OR52A1: variants seen among roughly 807,000 people sequenced by gnomAD.
OR52A1 encodes olfactory receptor family 52 subfamily A member 1.
In OR52A1, 14 loss-of-function variants were observed where a neutral mutation model predicts 14.3. The ratio of observed to expected loss-of-function variants is 0.98; its 90% CI spans 0.65 to 1.54. OR52A1 has a LOEUF of 1.54. OR52A1 is among the 40% of genes most tolerant of loss of function. The probability of loss-of-function intolerance (pLI) is 0.00; values close to 1 mark genes in which losing one functional copy is unlikely to be tolerated. For missense variants in OR52A1, 405 were observed against 381.3 expected (o/e 1.06, Z -0.52); for synonymous variants, 151 against 135.3 (o/e 1.12, Z -0.80).
chr11:5,154,376 G>C (rs1564854132), intron 1 of OR52A1, 71 bp downstream of exon 1: 1 of 152,134 alleles, frequency 6.6e-6, no homozygotes, highest in Non-Finnish European at 1.5e-5. Context: ...ATTATTGAGA[G>C]CTGGTTTTGC....
At position 5,150,770 on chromosome 11, in the gene OR52A1, G is replaced by C. The variant is rs1416080283; in HGVS notation, c.*661C>G. ...TTTACTATTATGTCACGATTCTGTA[G>C]TATAGTATTTTTAATATTGCAGGTT... On this transcript the variant is annotated 3_prime_UTR_variant, in exon 2 of 2. Coordinates refer to ENST00000380367, the MANE Select transcript of OR52A1 (RefSeq NM_012375.3). The C allele has an allele frequency of 6.6e-6, 1 of 151,554 alleles. No individual in the cohort carries two copies. The highest frequency in any genetic ancestry group is 2.4e-5 in the African/African-American group (1 of 41,222). 9.4% of individuals were successfully genotyped at this position (151,554 alleles called of 1,614,324 possible). A position where few individuals can be genotyped will look rare whatever the true frequency, so the allele number is the denominator to read the frequency against.
chr11:5,154,004 T>A (rs1250201873), intron 1 of OR52A1, among the ~76,000 whole-genome samples: 1 of 152,134 alleles, frequency 6.6e-6, no homozygotes, highest in Non-Finnish European at 1.5e-5. Flanking sequence ...TCAGCTAACA[T>A]ACATTTACCG....
Position 5,151,391 on chromosome 11 carries a change from G to A in OR52A1, c.*40C>T, listed in dbSNP as rs747089102. 1 of 1,506,272 alleles carries A rather than the reference G, an allele frequency of 6.6e-7. No homozygotes were observed. Among genetic ancestry groups the A allele is most frequent in the East Asian group, 2.3e-5 (1 of 44,260 alleles). The allele number at this position is 1,506,272 out of a possible 1,614,324, so 93.3% of individuals were successfully genotyped here. On this transcript the variant is annotated 3_prime_UTR_variant, in exon 2 of 2. Transcript: ENST00000380367. ...GTTTTGTTTTGATATGGTTACTACTGCAAAAGAAAAAAGCATGTAGGCATT... is the reference window on the plus strand; with the variant it reads ...GTTTTGTTTTGATATGGTTACTACTACAAAAGAAAAAAGCATGTAGGCATT...
chr11:5,154,221 T>A (rs1302899007), intron 1 of OR52A1, among the ~76,000 whole-genome samples: 1 of 152,160 alleles, frequency 6.6e-6, no homozygotes, highest in Non-Finnish European at 1.5e-5. Flanking sequence ...GACATGTGAG[T>A]ACTACCTGAC....
Position 5,151,959 on chromosome 11 carries a change from G to T in OR52A1, c.411C>A (p.Ile137=). 1 of 1,614,076 alleles carries T rather than the reference G, an allele frequency of 6.2e-7. No individual in the cohort carries two copies. The change falls in exon 2 of 2, where the codon ATC becomes ATA. Residue 137 remains isoleucine (I), a synonymous_variant. Transcript: ENST00000380367. Reference sequence around the variant, plus strand: ...TCTGAATGACAAGCTGGTGGGTGAAGATGTTGGCATGTCTTAGTGGATAAC... The same window carrying T: ...TCTGAATGACAAGCTGGTGGGTGAATATGTTGGCATGTCTTAGTGGATAAC... ...AICYPLRHAN[I]FTHQLVIQIG...
rs1406084417 is a variant in OR52A1 at position 5,148,075 on chromosome 11, C to A, written c.*3356G>T. The A allele has an allele frequency of 6.6e-6, 1 of 152,108 alleles. No homozygotes were observed. Among genetic ancestry groups the A allele is most frequent in the Non-Finnish European group, 1.5e-5 (1 of 68,030 alleles). The allele number at this position is 152,108 out of a possible 1,614,324, so 9.4% of individuals were successfully genotyped here. On this transcript the variant is annotated 3_prime_UTR_variant, in exon 2 of 2. Coordinates refer to ENST00000380367, the MANE Select transcript of OR52A1 (RefSeq NM_012375.3). ...ATGTATTCTCACATTGAAATGGAGA[C>A]CGCTTAGGAATATCAGCATAGAAGG...
chr11:5,151,506 T>C lies in OR52A1; in HGVS notation c.864A>G (p.Pro288=), dbSNP rs1188504116. ...CACCATAGACAAGTGGATTGAGAAA[T>C]GGAGGGACCAGCAAGTAAATGCTAG... ...LFSSIYLLVP[P]FLNPLVYGAK... is the part of the protein sequence containing the mutation. Residue 288 remains proline (P), a synonymous_variant, in exon 2 of 2, where the codon CCA becomes CCG. Transcript: ENST00000380367. The C allele has an allele frequency of 1.9e-6, 3 of 1,613,970 alleles. No individual in the cohort carries two copies. The highest frequency in any genetic ancestry group is 2.2e-5 in the East Asian group (1 of 44,874).
Position 5,151,949 on chromosome 11 carries a change from G to C in OR52A1, c.421C>G (p.Gln141Glu). 6.2e-7 allele frequency: 1 copy of C among 1,614,006 alleles called. No individual in the cohort carries two copies. Among genetic ancestry groups the C allele is most frequent in the Non-Finnish European group, 8.5e-7 (1 of 1,179,984 alleles). Reference protein sequence around the residue: ...PLRHANIFTHQLVIQIGTMVV... With the variant: ...PLRHANIFTHELVIQIGTMVV... The stretch of plus-strand genomic sequence containing the variant: ...ATAGTTCCTATCTGAATGACAAGCT[G>C]GTGGGTGAAGATGTTGGCATGTCTT... The change falls in exon 2 of 2, where the codon CAG becomes GAG. Residue 141 changes from glutamine to glutamate, a missense_variant. Gln to Glu is a conservative substitution (Grantham distance 29). Transcript: ENST00000380367.
rs772041071 is a variant in OR52A1 at position 5,151,383 on chromosome 11, T to C, written c.*48A>G. 15 of 1,442,274 alleles carry C rather than the reference T, an allele frequency of 1.0e-5. No homozygotes were observed. The highest frequency in any genetic ancestry group is 1.8e-4 in the Middle Eastern group (1 of 5,440). The allele number at this position is 1,442,274 out of a possible 1,614,324, so 89.3% of individuals were successfully genotyped here. A position where few individuals can be genotyped will look rare whatever the true frequency, so the allele number is the denominator to read the frequency against. ...TGTTTTTTGTTTTGTTTTGATATGG[T>C]TACTACTGCAAAAGAAAAAAGCATG... On this transcript the variant is annotated 3_prime_UTR_variant, in exon 2 of 2. Coordinates refer to ENST00000380367, the MANE Select transcript of OR52A1 (RefSeq NM_012375.3).
intron 1 of OR52A1, among the ~76,000 whole-genome samples, chr11:5,154,036 T>C (rs1020207233): frequency 2.0e-5 from 3 of 152,184 alleles, no homozygotes; most frequent in African/African-American, 7.2e-5. Context: ...GTCAATTAAA[T>C]ACTTTGATTT....
Position 5,151,469 on chromosome 11 carries a change from G to T in OR52A1, c.901C>A (p.Gln301Lys). The part of the protein sequence containing the change: ...NPLVYGAKTT[Q>K]IRIHVVKMFC... ...ATTTTTACCACATGAATGCGAATCT[G>T]TGTGGTCTTTGCACCATAGACAAGT... Residue 301 changes from glutamine (Q) to lysine (K), a missense_variant, in exon 2 of 2, where the codon CAG becomes AAG. Gln to Lys is a moderately conservative substitution (Grantham distance 53). Transcript: ENST00000380367. 6.2e-7 allele frequency: 1 copy of T among 1,613,402 alleles called. No homozygotes were observed. Among genetic ancestry groups the T allele is most frequent in the East Asian group, 2.2e-5 (1 of 44,890 alleles).
chr11:5,151,500 G>A lies in OR52A1; in HGVS notation c.870C>T (p.Leu290=). Residue 290 remains leucine (L), a synonymous_variant, in exon 2 of 2, where the codon CTC becomes CTT. Coordinates refer to ENST00000380367, the MANE Select transcript of OR52A1 (RefSeq NM_012375.3). ...SSIYLLVPPF[L]NPLVYGAKTT... ...TCTTTGCACCATAGACAAGTGGATT[G>A]AGAAATGGAGGGACCAGCAAGTAAA... 1 of 1,614,068 alleles carries A rather than the reference G, an allele frequency of 6.2e-7. No individual in the cohort carries two copies. The highest frequency in any genetic ancestry group is 8.5e-7 in the Non-Finnish European group (1 of 1,179,970).
At position 5,149,648 on chromosome 11, in the gene OR52A1, A is replaced by G. The variant is rs761022203; in HGVS notation, c.*1783T>C. On this transcript the variant is annotated 3_prime_UTR_variant, in exon 2 of 2. Coordinates refer to ENST00000380367, the MANE Select transcript of OR52A1 (RefSeq NM_012375.3). Reference sequence around the variant, plus strand: ...CTTGTTATATTAATGCCTACATGATATTCTTGAATTTGCCTCTTTTTCCAT... The same window carrying G: ...CTTGTTATATTAATGCCTACATGATGTTCTTGAATTTGCCTCTTTTTCCAT... The G allele has an allele frequency of 2.6e-5, 4 of 152,228 alleles. No individual in the cohort carries two copies. The highest frequency in any genetic ancestry group is 1.5e-5 in the Non-Finnish European group (1 of 68,026). The allele number at this position is 152,228 out of a possible 1,614,324, so 9.4% of individuals were successfully genotyped here.
At position 5,152,095 on chromosome 11, in the gene OR52A1, G is replaced by C. The variant is rs1372784474; in HGVS notation, c.275C>G (p.Pro92Arg). 3.7e-6 allele frequency: 6 copies of C among 1,613,902 alleles called. No individual in the cohort carries two copies. The highest frequency in any genetic ancestry group is 5.1e-6 in the Non-Finnish European group (6 of 1,179,968). ...CAAGCAGGAATCAAAATAGATTTCA[G>C]GCACATTAAACCAGAATATTCCAAG... ...KMLGIFWFNVPEIYFDSCLLQ... is the reference protein window; with the variant it reads ...KMLGIFWFNVREIYFDSCLLQ... The change falls in exon 2 of 2, where the codon CCT becomes CGT. Residue 92 changes from proline to arginine, a missense_variant. Physicochemically the swap from Pro to Arg is moderately radical, Grantham distance 103. Transcript: ENST00000380367.
Position 5,151,532 on chromosome 11 carries a change from A to AC in OR52A1, c.837_838insG (p.Ser280ValfsTer2), listed in dbSNP as rs1463265409. ...GGAGGGACCAGCAAGTAAATGCTAG[A>AC]AAAGAGAATATGGATATAAGGGGAG... On this transcript the variant is annotated frameshift_variant, in exon 2 of 2. Coordinates refer to ENST00000380367, the MANE Select transcript of OR52A1 (RefSeq NM_012375.3). LOFTEE classifies it high-confidence loss of function. 1 of 1,613,710 alleles carries AC rather than the reference A, an allele frequency of 6.2e-7. No homozygotes were observed. Among genetic ancestry groups the AC allele is most frequent in the Non-Finnish European group, 8.5e-7 (1 of 1,179,874 alleles).
At position 5,152,206 on chromosome 11, in the gene OR52A1, C is replaced by T. The variant is rs370686770; in HGVS notation, c.164G>A (p.Arg55His). Reference sequence around the variant, plus strand: ...AATGTACAAGGGCTCATGGAGACTGCGCTCAGATTTGATGATGCTCAGAAG... The same window carrying T: ...AATGTACAAGGGCTCATGGAGACTGTGCTCAGATTTGATGATGCTCAGAAG... ...SLLLSIIKSE[R>H]SLHEPLYIFL... The change falls in exon 2 of 2, where the codon CGC becomes CAC. Residue 55 changes from arginine to histidine, a missense_variant. Physicochemically the swap from Arg to His is conservative, Grantham distance 29. Coordinates refer to ENST00000380367, the MANE Select transcript of OR52A1 (RefSeq NM_012375.3). 1.2e-5 allele frequency: 19 copies of T among 1,614,136 alleles called. No individual in the cohort carries two copies. Among genetic ancestry groups the T allele is most frequent in the Middle Eastern group, 1.6e-4 (1 of 6,062 alleles).
Position 5,152,324 on chromosome 11 carries a change from G to A in OR52A1, c.46C>T (p.Leu16=), listed in dbSNP as rs752325928. 6.2e-7 allele frequency: 1 copy of A among 1,613,574 alleles called. No homozygotes were observed. The highest frequency in any genetic ancestry group is 8.5e-7 in the Non-Finnish European group (1 of 1,179,620). ...ITVYMPSVLT[L]VGIPGLESVQ... The stretch of plus-strand genomic sequence containing the variant: ...GATTCTAGGCCTGGGATCCCTACTA[G>A]TGTCAACACAGAGGGCATGTAGACT... The change falls in exon 2 of 2, where the codon CTA becomes TTA. Residue 16 remains leucine, a synonymous_variant. Coordinates refer to ENST00000380367, the MANE Select transcript of OR52A1 (RefSeq NM_012375.3).
At chr11:5,153,291 A>G (rs1846570343) in intron 1 of OR52A1, among the ~76,000 whole-genome samples, 1 of 152,220 alleles carries the variant, frequency 6.6e-6, no homozygotes, top group Non-Finnish European at 1.5e-5. Context: ...TCAGAGTTAT[A>G]ATTAGCATAA....
rs145694894 is a variant in OR52A1 at position 5,149,430 on chromosome 11, C to T, written c.*2001G>A. The T allele has an allele frequency of 6.6e-6, 1 of 151,892 alleles. No individual in the cohort carries two copies. The allele number at this position is 151,892 out of a possible 1,614,324, so 9.4% of individuals were successfully genotyped here. ...GTCCACTAGTTAAGAATGATTTTTA[C>T]AGATGAATATTTGTAATCAATTTGG... On this transcript the variant is annotated 3_prime_UTR_variant, in exon 2 of 2. Coordinates refer to ENST00000380367, the MANE Select transcript of OR52A1 (RefSeq NM_012375.3).
Sources: allele counts gnomAD v4.1 joint callset (sites outside exome capture counted in the v4.1 genomes callset), GRCh38; gene constraint gnomAD v4.1.1; transcripts MANE v1.5; gene names NCBI Gene and HGNC (gene_info 2026-07-23, HGNC 2026-07-21).